The following CDC20B variants were observed in gnomAD, a reference collection of about 807,000 sequenced individuals.
The protein encoded by CDC20B is cell division cycle 20B.
In CDC20B, 58 loss-of-function variants were observed where a neutral mutation model predicts 64.1. The observed-to-expected ratio is 0.90, with a 90% CI of 0.73 to 1.13. CDC20B has a LOEUF of 1.13. CDC20B is among the 50% of genes most tolerant of loss of function. The pLI is 0.00. For synonymous variants in CDC20B, 243 were observed against 230.6 expected, an observed-to-expected ratio of 1.05 and a Z score of -0.49; for missense variants, 597 against 633.0, an observed-to-expected ratio of 0.94 and a Z score of 0.61.
Position 55,146,856 on chromosome 5 carries a change from C to A in CDC20B, c.127G>T (p.Val43Leu), listed in dbSNP as rs757750677. The change falls in exon 3 of 12, where the codon GTA becomes TTA. Residue 43 changes from valine (V) to leucine (L), a missense_variant and splice_region_variant. Around this residue, in one of 3 missense-constraint regions of CDC20B, gnomAD observed 241 missense variants for 219.2 expected, o/e 1.10. Coordinates refer to ENST00000381375, the MANE Select transcript of CDC20B (RefSeq NM_001170402.1). ...TACGTAGCATTAACTGAATCGAGTA[C>A]CTGTTTAACAACAAAAACAGCTGTA... ...KQKRSQDSAN[V>L]LDSVNATYSD... 1 of 1,613,046 alleles carries A rather than the reference C, an allele frequency of 6.2e-7. No homozygotes were observed. The highest frequency in any genetic ancestry group is 8.5e-7 in the Non-Finnish European group (1 of 1,179,196).
intron 8 of CDC20B, among the ~76,000 whole-genome samples, chr5:55,126,821 G>A (rs1742905106): frequency 6.6e-6 from 1 of 152,166 alleles, no homozygotes. Flanking sequence ...GAGAACTACT[G>A]AACAGGATAA....
intron 2 of CDC20B, among the ~76,000 whole-genome samples, chr5:55,159,417 A>G (rs1010884335): frequency 1.3e-5 from 2 of 152,212 alleles, no homozygotes; most frequent in Non-Finnish European, 2.9e-5. Context: ...GTGGGGGTGC[A>G]TCACAGTTCA....
intron 5 of CDC20B, chr5:55,137,577 A>C (rs752953222): frequency 2.2e-6 from 1 of 456,758 alleles, no homozygotes; most frequent in South Asian, 1.5e-5. Flanking sequence ...CCTCTCAATT[A>C]GTCTTTGCCA....
intron 2 of CDC20B, chr5:55,166,639 A>T (rs932424091): frequency 4.6e-5 from 7 of 152,204 alleles, no homozygotes; most frequent in Non-Finnish European, 5.9e-5. Flanking sequence ...AATCTTTCCT[A>T]TATTGGACAA....
At chr5:55,124,148 T>C (rs1361632658) in intron 9 of CDC20B, among the ~76,000 whole-genome samples, 2 of 152,176 alleles carry the variant, frequency 1.3e-5, no homozygotes, top group Non-Finnish European at 2.9e-5. Flanking sequence ...CAGAACATGG[T>C]GGAGCATTGA....
In CDC20B at chr5:55,124,731, T is replaced by C. The variant is rs180755454; in HGVS notation, c.1215+72A>G. The stretch of plus-strand genomic sequence containing the variant: ...TCTCAAAATATTGGCTTAATGATTT[T>C]CTTTTTATATGTGAAGGATACCCAG... On this transcript the variant is annotated intron_variant, in intron 9 of 11. Transcript: ENST00000381375. 9.3e-5 allele frequency: 118 copies of C among 1,266,748 alleles called. No individual in the cohort carries two copies. The East Asian group carries it at 2.6e-3, about 28-fold the overall frequency. The allele number at this position is 1,266,748 out of a possible 1,614,324, so 78.5% of individuals were successfully genotyped here. A position where few individuals can be genotyped will look rare whatever the true frequency, so the allele number is the denominator to read the frequency against.
chr5:55,150,164 GT>G (rs1195499512), intron 2 of CDC20B, among the ~76,000 whole-genome samples: 6 of 151,980 alleles, frequency 3.9e-5, no homozygotes, highest in Admixed American at 3.3e-4. Flanking sequence ...AAAAATAAAG[GT>G]TTTTTTAAAT....
intron 2 of CDC20B, among the ~76,000 whole-genome samples, chr5:55,158,896 C>T (rs1743898963): frequency 1.3e-5 from 2 of 152,262 alleles, no homozygotes; most frequent in Admixed American, 6.5e-5. Context: ...AATTAGATGA[C>T]GTGCCCAAGT....
chr5:55,127,875 A>G (rs1356670420), intron 7 of CDC20B, among the ~76,000 whole-genome samples: 1 of 152,204 alleles, frequency 6.6e-6, no homozygotes, highest in Non-Finnish European at 1.5e-5. Context: ...AGCATTCATT[A>G]TCATTGCAGA....
intron 2 of CDC20B, among the ~76,000 whole-genome samples, chr5:55,163,680 G>T (rs1030490721): frequency 1.3e-5 from 2 of 151,396 alleles, no homozygotes; most frequent in Admixed American, 6.6e-5. Flanking sequence ...CTAATTTTTT[G>T]TATTTTTAGT....
At chr5:55,142,157 C>T (rs996796846) in intron 4 of CDC20B, among the ~76,000 whole-genome samples, 143 of 152,098 alleles carry the variant, frequency 9.4e-4, no homozygotes, top group Non-Finnish European at 4.9e-4. Context: ...TAATCAGCAA[C>T]TTAATATGGA....
At chr5:55,127,173 G>A (rs964867199) in intron 8 of CDC20B, 84 bp downstream of exon 8, 7 of 1,227,256 alleles carry the variant, frequency 5.7e-6, no homozygotes, top group South Asian at 1.3e-5. Flanking sequence ...ATTGGTTTAG[G>A]TTTTGAATAT....
intron 5 of CDC20B, chr5:55,135,662 CTGCAGCCCACAGGGCACA>C (rs1188344338): frequency 6.6e-6 from 1 of 151,970 alleles, no homozygotes; most frequent in Non-Finnish European, 1.5e-5. Flanking sequence ...CTTGTCCAAT[CTGCAGCCCACAGGGCACA>C]TGCAGCCCAG....
intron 9 of CDC20B, among the ~76,000 whole-genome samples, chr5:55,122,045 A>T (rs1742771181): frequency 6.6e-6 from 1 of 152,178 alleles, no homozygotes; most frequent in Admixed American, 6.5e-5. Context: ...ATAGCATGCT[A>T]GTCTTCTGTT....
At chr5:55,150,193 A>G (rs926961600) in intron 2 of CDC20B, among the ~76,000 whole-genome samples, 8 of 152,248 alleles carry the variant, frequency 5.3e-5, no homozygotes, top group East Asian at 3.8e-4. Context: ...TTTCACTTCA[A>G]TAAAAGAAAT....
intron 2 of CDC20B, among the ~76,000 whole-genome samples, chr5:55,169,512 A>G (rs1744519299): frequency 6.6e-6 from 1 of 152,238 alleles, no homozygotes; most frequent in Non-Finnish European, 1.5e-5. Context: ...CAAGGTAATG[A>G]GAATATATTT....
At chr5:55,135,035 T>C (rs1232719827) in intron 5 of CDC20B, among the ~76,000 whole-genome samples, 1 of 152,336 alleles carries the variant, frequency 6.6e-6, no homozygotes, top group South Asian at 2.1e-4. Flanking sequence ...ATGTAAACTA[T>C]GGACTTTTGG....
At chr5:55,131,242 A>G (rs1469230843) in intron 6 of CDC20B, among the ~76,000 whole-genome samples, 2 of 152,258 alleles carry the variant, frequency 1.3e-5, no homozygotes, top group Non-Finnish European at 2.9e-5. Context: ...ATGTTTATAT[A>G]TTGTGTGATG....
intron 2 of CDC20B, 125 bp downstream of exon 2, chr5:55,172,463 A>G: frequency 1.3e-6 from 1 of 743,938 alleles, no homozygotes; most frequent in Non-Finnish European, 2.3e-6. Flanking sequence ...TTAGTATGTA[A>G]TAAGATACTA....
Sources: allele counts gnomAD v4.1 joint callset (sites outside exome capture counted in the v4.1 genomes callset), GRCh38; gene constraint gnomAD v4.1.1; regional missense constraint gnomAD v4.1.1; transcripts MANE v1.5; gene names NCBI Gene and HGNC (gene_info 2026-07-23, HGNC 2026-07-21).